PRSS55: variants seen among roughly 807,000 people sequenced by gnomAD.
The protein encoded by PRSS55 is serine protease 55.
A neutral mutation model predicts 23.6 loss-of-function variants in PRSS55; 41 were observed. That is an observed-to-expected ratio of 1.74 (90% CI 1.35 to 2.26). The LOEUF (loss-of-function observed/expected upper bound fraction) is 2.26. Among genes scored for constraint, PRSS55 ranks in the 30% most tolerant of loss-of-function variants. The pLI is 0.00. For synonymous variants in PRSS55, 262 were observed against 175.5 expected (o/e 1.49, Z -3.90); for missense variants, 669 against 439.1 (o/e 1.52, Z -4.68).
At chr8:10,528,128 G>A (rs1812103229) in intron 1 of PRSS55, among the ~76,000 whole-genome samples, 1 of 151,894 alleles carries the variant, frequency 6.6e-6, no homozygotes, top group Non-Finnish European at 1.5e-5. Context: ...GAACCTGGGA[G>A]GCAGAGGTTG....
chr8:10,545,035 A>G (rs1038994914), intron 4 of PRSS55: 1 of 984,930 alleles, frequency 1.0e-6, no homozygotes, highest in Non-Finnish European at 1.2e-6. Flanking sequence ...GGTGGCCTGC[A>G]CCTGTGCTTC....
At chr8:10,547,978 G>A (rs1236593646) in intron 4 of PRSS55, among the ~76,000 whole-genome samples, 3 of 151,690 alleles carry the variant, frequency 2.0e-5, no homozygotes, top group Non-Finnish European at 4.4e-5. Context: ...GAGTGTGGGC[G>A]GAGGAGGGAC....
At position 10,529,509 on chromosome 8, in the gene PRSS55, T is replaced by C. The variant is rs764039693; in HGVS notation, c.157T>C (p.Cys53Arg). The change falls in exon 2 of 5, where the codon TGT (cysteine) becomes CGT (arginine). Residue 53 changes from cysteine to arginine, a missense_variant and splice_region_variant. Cys to Arg is a radical substitution (Grantham distance 180). Transcript: ENST00000328655. Reference sequence around the variant, plus strand: ...TCCACTCTCTTTCTTTCCACCAGAATGTGGTGACAGATCTATTTTCGAGGG... The same window carrying C: ...TCCACTCTCTTTCTTTCCACCAGAACGTGGTGACAGATCTATTTTCGAGGG... ...PPHPPSPVSE[C>R]GDRSIFEGRT... 1 of 1,614,102 alleles carries C rather than the reference T, an allele frequency of 6.2e-7. No individual in the cohort carries two copies. Among genetic ancestry groups the C allele is most frequent in the African/African-American group, 1.3e-5 (1 of 75,056 alleles).
At chr8:10,527,520 G>A (rs1812075540) in intron 1 of PRSS55, among the ~76,000 whole-genome samples, 1 of 152,250 alleles carries the variant, frequency 6.6e-6, no homozygotes. Context: ...GAGTCACCAG[G>A]ATGGGAGGGG....
At chr8:10,538,325 C>G in intron 4 of PRSS55, 151 bp from the exon 5 acceptor site, 1 of 641,116 alleles carries the variant, frequency 1.6e-6, no homozygotes, top group Non-Finnish European at 2.7e-6. Flanking sequence ...GCCAACCTGG[C>G]AGCCACATGC....
chr8:10,539,276 C>G (rs1812569718), downstream of PRSS55, among the ~76,000 whole-genome samples: 1 of 152,192 alleles, frequency 6.6e-6, no homozygotes, highest in Admixed American at 6.5e-5. Context: ...GGCCCACCCA[C>G]ATTATGATGG....
At chr8:10,527,986 G>A (rs1264417474) in intron 1 of PRSS55, among the ~76,000 whole-genome samples, 1 of 152,156 alleles carries the variant, frequency 6.6e-6, no homozygotes, top group Non-Finnish European at 1.5e-5. Flanking sequence ...GCCGAGGCGG[G>A]CAGATCATCT....
At chr8:10,531,191 T>C in intron 2 of PRSS55, 104 bp from the exon 3 acceptor site, 1 of 1,409,300 alleles carries the variant, frequency 7.1e-7, no homozygotes, top group Non-Finnish European at 9.8e-7. Context: ...GGTTTAAAGG[T>C]CCTAGAGCTA....
At chr8:10,539,133 G>A (rs759295638), downstream of PRSS55, among the ~76,000 whole-genome samples, 3 of 152,018 alleles carry the variant, frequency 2.0e-5, no homozygotes, top group Admixed American at 6.5e-5. Context: ...GGGCTGAAAG[G>A]TGAAGGCAGT....
chr8:10,551,162 A>C (rs1369445374), intron 4 of PRSS55, among the ~76,000 whole-genome samples: 1 of 152,202 alleles, frequency 6.6e-6, no homozygotes, highest in Non-Finnish European at 1.5e-5. Context: ...GTCTGTGCTC[A>C]ACAAGCAATA....
chr8:10,531,292 C>G lies in PRSS55; in HGVS notation c.348-3C>G. The G allele has an allele frequency of 2.5e-6, 4 of 1,612,936 alleles. No individual in the cohort carries two copies. Among genetic ancestry groups the G allele is most frequent in the Non-Finnish European group, 3.4e-6 (4 of 1,179,030 alleles). ...TTGCCCCTCTCTGGTTCTCTGCCACCAGTCCAGAAGAACTGAGTGTCGTGC... is the reference window on the plus strand; with the variant it reads ...TTGCCCCTCTCTGGTTCTCTGCCACGAGTCCAGAAGAACTGAGTGTCGTGC... On this transcript the variant is annotated splice_polypyrimidine_tract_variant and splice_region_variant and intron_variant, in intron 2 of 4. Coordinates refer to ENST00000328655, the MANE Select transcript of PRSS55 (RefSeq NM_198464.4).
rs775100969 is a variant in PRSS55, at chr8:10,525,617, C to G, written c.32C>G (p.Ser11Cys). ...CTGTTCTCAGTGTTGCTGCTCCTGT[C>G]CCTGGTCACGGGAACTCAGCTCGGT... The part of the protein sequence containing the change: MLLFSVLLLL[S>C]LVTGTQLGPR... Residue 11 changes from serine to cysteine, a missense_variant, in exon 1 of 5, where the codon TCC becomes TGC. Coordinates refer to ENST00000328655, the MANE Select transcript of PRSS55 (RefSeq NM_198464.4). 3 of 1,614,020 alleles carry G rather than the reference C, an allele frequency of 1.9e-6. No homozygotes were observed. The highest frequency in any genetic ancestry group is 2.5e-6 in the Non-Finnish European group (3 of 1,180,006).
chr8:10,541,952 T>A (rs188944532), downstream of PRSS55, among the ~76,000 whole-genome samples: 19 of 152,146 alleles, frequency 1.2e-4, no homozygotes, highest in Admixed American at 9.2e-4. Flanking sequence ...TTTTTAAAAT[T>A]TTTTGTAGAG....
intron 3 of PRSS55, among the ~76,000 whole-genome samples, chr8:10,532,109 T>A (rs1261188846): frequency 1.3e-5 from 2 of 151,924 alleles, no homozygotes; most frequent in Non-Finnish European, 2.9e-5. Context: ...GGGGAGGGGA[T>A]GAGAACAGCA....
intron 4 of PRSS55, among the ~76,000 whole-genome samples, chr8:10,546,655 C>T (rs186876196): frequency 1.3e-5 from 2 of 152,206 alleles, no homozygotes; most frequent in South Asian, 2.1e-4. Flanking sequence ...CTACAGGCAG[C>T]CCTCTGCTGC....
At chr8:10,552,670 C>G (rs1332217678) in intron 4 of PRSS55, among the ~76,000 whole-genome samples, 1 of 152,196 alleles carries the variant, frequency 6.6e-6, no homozygotes, top group East Asian at 1.9e-4. Flanking sequence ...TGAAAAACTT[C>G]TCAACATCAC....
intron 2 of PRSS55, among the ~76,000 whole-genome samples, chr8:10,530,355 G>A (rs1585869033): frequency 6.6e-6 from 1 of 152,164 alleles, no homozygotes; most frequent in Non-Finnish European, 1.5e-5. Context: ...TGCGCCTGTA[G>A]TCCCAGCTGT....
chr8:10,537,098 C>G lies in PRSS55; in HGVS notation c.742-1378C>G, dbSNP rs555488694. 9.1e-4 allele frequency among the ~76,000 whole-genome samples: 139 copies of G among 152,278 alleles called. 2 individuals carry two copies. The highest frequency in any genetic ancestry group is 2.4e-3 in the African/African-American group (100 of 41,540). Reference sequence around the variant, plus strand: ...ACTAAAAAAATTAAAAATAGAACTACCATATGATCCAGCAACCCCACTTCT... The same window carrying G: ...ACTAAAAAAATTAAAAATAGAACTAGCATATGATCCAGCAACCCCACTTCT... On this transcript the variant is annotated intron_variant, in intron 4 of 4. Coordinates refer to ENST00000328655, the MANE Select transcript of PRSS55 (RefSeq NM_198464.4).
chr8:10,547,769 C>G lies in PRSS55; in HGVS notation c.742-6174C>G, dbSNP rs556379425. On this transcript the variant is annotated intron_variant, in intron 4 of 4. Coordinates refer to the PRSS55 transcript ENST00000522210. ...CCGCCCCAGTCTTGGTGGCTTGTTCCGGATCTGGTGTTGCTCATTCACTCA... is the reference window on the plus strand; with the variant it reads ...CCGCCCCAGTCTTGGTGGCTTGTTCGGGATCTGGTGTTGCTCATTCACTCA... 1.2e-4 allele frequency among the ~76,000 whole-genome samples: 16 copies of G among 138,620 alleles called. No homozygotes were observed. In the South Asian group the frequency reaches 4.4e-3, roughly 38 times the overall value. The allele number at this position is 138,620 out of a possible 152,430, so 90.9% of individuals were successfully genotyped here. A position where few individuals can be genotyped will look rare whatever the true frequency, so the allele number is the denominator to read the frequency against.
Sources: gnomAD v4.1 joint callset for allele counts (sites outside exome capture counted in the v4.1 genomes callset) on GRCh38, gnomAD v4.1.1 for gene constraint, MANE v1.5 for transcripts, NCBI Gene and HGNC (gene_info 2026-07-23, HGNC 2026-07-21) for gene names.